FNBP1: variants seen among roughly 807,000 people sequenced by gnomAD.
FNBP1 encodes the protein formin-binding protein 1.
A neutral mutation model predicts 90.6 loss-of-function variants in FNBP1; 26 were observed. The observed-to-expected ratio is 0.29, with a 90% confidence interval of 0.21 to 0.40. FNBP1 has a LOEUF of 0.40. Ranked by LOEUF, FNBP1 falls within the 10% of genes least tolerant of loss-of-function variation. The probability of loss-of-function intolerance (pLI) is 1.00; values close to 1 mark genes in which losing one functional copy is unlikely to be tolerated. For synonymous variants in FNBP1, 260 were observed against 265.2 expected (o/e 0.98, Z 0.19); for missense variants, 635 against 768.0 (o/e 0.83, Z 2.05).
chr9:129,919,172 G>T, intron 10 of FNBP1: 1 of 1,298,312 alleles, frequency 7.7e-7, no homozygotes, highest in Non-Finnish European at 1.0e-6. Context: ...ATAGTCCCTA[G>T]CCTCAAAGGC....
chr9:129,903,003 TGAAA>T lies in FNBP1; in HGVS notation c.1296-6_1296-3del. 1 of 1,569,040 alleles carries T rather than the reference TGAAA, an allele frequency of 6.4e-7. No individual in the cohort carries two copies. Among genetic ancestry groups the T allele is most frequent in the Non-Finnish European group, 8.7e-7 (1 of 1,155,616 alleles). ...TCTTTCATTTTTGTTATGGCATCTC[TGAAA>T]GAAAGAACGAGTAGAATGCTGTAAA... On this transcript the variant is annotated splice_polypyrimidine_tract_variant and splice_region_variant and intron_variant, in intron 12 of 16. Coordinates refer to ENST00000446176, the MANE Select transcript of FNBP1 (RefSeq NM_015033.3).
At chr9:129,965,172 C>T (rs773252169) in intron 4 of FNBP1, among the ~76,000 whole-genome samples, 1 of 152,186 alleles carries the variant, frequency 6.6e-6, no homozygotes. Context: ...AATGGCAAAA[C>T]GCCTTAGTCC....
chr9:130,009,700 G>A (rs981930095), intron 1 of FNBP1, among the ~76,000 whole-genome samples: 14 of 152,326 alleles, frequency 9.2e-5, no homozygotes, highest in African/African-American at 3.4e-4. Context: ...TACTCGGGAG[G>A]CTGAGGCAGG....
intron 12 of FNBP1, among the ~76,000 whole-genome samples, chr9:129,904,658 T>C (rs558827941): frequency 5.8e-4 from 88 of 152,338 alleles, no homozygotes; most frequent in African/African-American, 2.0e-3. Context: ...CCACTTGGAC[T>C]TCCAGCCGCT....
At chr9:129,991,056 C>T (rs2053067479) in intron 2 of FNBP1, among the ~76,000 whole-genome samples, 2 of 150,896 alleles carry the variant, frequency 1.3e-5, no homozygotes. Flanking sequence ...GCCTTAGCCT[C>T]CTGAGTAGGT....
chr9:130,039,656 A>G (rs940873577), intron 1 of FNBP1, among the ~76,000 whole-genome samples: 10 of 148,844 alleles, frequency 6.7e-5, no homozygotes, highest in African/African-American at 2.3e-4. Flanking sequence ...AGCCTGGGCA[A>G]CAAGAGCGAA....
rs1465402341 is a variant in FNBP1 at position 129,908,886 on chromosome 9, A to G, written c.1295+4T>C. On this transcript the variant is annotated splice_donor_region_variant and intron_variant, in intron 12 of 16. Transcript: ENST00000446176. ...TCTTAATAAGTCATATTGATGCACT[A>G]TACCTTTGATCCATCTCCTTCTGAA... 2 of 1,583,320 alleles carry G rather than the reference A, an allele frequency of 1.3e-6. No individual in the cohort carries two copies. The highest frequency in any genetic ancestry group is 1.3e-5 in the African/African-American group (1 of 74,320).
chr9:129,917,853 G>A (rs1261854442), intron 10 of FNBP1, among the ~76,000 whole-genome samples: 1 of 152,116 alleles, frequency 6.6e-6, no homozygotes, highest in Non-Finnish European at 1.5e-5. Context: ...CTGTGAACTT[G>A]AGCATAGATC....
At chr9:129,916,858 G>A (rs2040333819) in intron 10 of FNBP1, among the ~76,000 whole-genome samples, 1 of 152,138 alleles carries the variant, frequency 6.6e-6, no homozygotes, top group Non-Finnish European at 1.5e-5. Context: ...ACTACCTGCA[G>A]GACCCAGAAT....
rs1165316489 is a variant in FNBP1, at chr9:130,041,080, T to C, written c.24+1872A>G. On this transcript the variant is annotated intron_variant, in intron 1 of 16. Coordinates refer to ENST00000446176, the MANE Select transcript of FNBP1 (RefSeq NM_015033.3). This position sits in a 1 kb window ranked among gnomAD's most constrained non-coding sequence, Gnocchi z 4.3. ...TTGAACTCCTGGGCCCAAAAGATCC[T>C]CCCGACTCAGCCTCCCAAGGTGCTG... is the stretch of plus-strand genomic sequence containing the variant. Among the ~76,000 whole-genome samples, 2 of 150,718 alleles carry C rather than the reference T, an allele frequency of 1.3e-5. No individual in the cohort carries two copies. The highest frequency in any genetic ancestry group is 3.0e-5 in the Non-Finnish European group (2 of 67,758).
At chr9:129,977,674 T>C (rs1393852164) in intron 4 of FNBP1, among the ~76,000 whole-genome samples, 1 of 151,942 alleles carries the variant, frequency 6.6e-6, no homozygotes, top group Non-Finnish European at 1.5e-5. Context: ...ATATTTTTAG[T>C]AGAGAAGGGG....
intron 12 of FNBP1, among the ~76,000 whole-genome samples, chr9:129,907,025 G>A (rs1017103547): frequency 2.6e-5 from 4 of 151,690 alleles, no homozygotes; most frequent in Admixed American, 6.6e-5. Flanking sequence ...TGATCCGCCC[G>A]CCTCCGCCTC....
chr9:130,049,649 C>T, the FNBP1 span, among the ~76,000 whole-genome samples: 10 of 151,330 alleles, frequency 6.6e-5, no homozygotes, highest in South Asian at 2.1e-4. Context: ...TGCAGTGAGC[C>T]GTGATTGCAC....
rs757640512 is a variant in FNBP1, at chr9:129,957,508, G to A, written c.409-44C>T. 69 of 1,382,766 alleles carry A rather than the reference G, an allele frequency of 5.0e-5. No individual in the cohort carries two copies. Among genetic ancestry groups the A allele is most frequent in the Non-Finnish European group, 6.4e-5 (63 of 980,896 alleles). 85.7% of individuals were successfully genotyped at this position (1,382,766 alleles called of 1,614,324 possible). ...AATTATGAAACCATAAGAGTCCTAC[G>A]AGAAGATGTAATTTTATCTAAAGCT... On this transcript the variant is annotated intron_variant, in intron 5 of 16. Coordinates refer to ENST00000446176, the MANE Select transcript of FNBP1 (RefSeq NM_015033.3). The surrounding 1 kb of genome is among the most constrained non-coding windows in gnomAD (Gnocchi z 4.3).
chr9:129,924,105 T>C, intron 9 of FNBP1, 79 bp from the exon 10 acceptor site: 2 of 1,397,490 alleles, frequency 1.4e-6, no homozygotes, highest in Non-Finnish European at 1.9e-6. Flanking sequence ...CATCAAATAA[T>C]ATTTGAAATC....
chr9:129,962,061 T>A (rs1268654485), intron 4 of FNBP1, among the ~76,000 whole-genome samples: 2 of 152,170 alleles, frequency 1.3e-5, no homozygotes, highest in Admixed American at 6.5e-5. Context: ...TTCTGAGTGA[T>A]CAGAGGGCAG....
chr9:130,001,019 T>G (rs895862126), intron 1 of FNBP1, among the ~76,000 whole-genome samples: 5 of 152,152 alleles, frequency 3.3e-5, no homozygotes, highest in African/African-American at 1.2e-4. Context: ...CATTTTCAAG[T>G]AAAACTGAAA....
chr9:129,944,309 G>A (rs750470933), intron 6 of FNBP1, among the ~76,000 whole-genome samples: 4 of 152,046 alleles, frequency 2.6e-5, no homozygotes, highest in Non-Finnish European at 5.9e-5. Context: ...TTGGGAGGCT[G>A]AGGCAGGAGG....
intron 16 of FNBP1, among the ~76,000 whole-genome samples, chr9:129,893,449 A>AG (rs2035305007): frequency 6.7e-6 from 1 of 149,744 alleles, no homozygotes; most frequent in Non-Finnish European, 1.5e-5. Flanking sequence ...CTAAAAAAAA[A>AG]AAAAAATACA....
Sources: gnomAD v4.1 joint callset for allele counts (sites outside exome capture counted in the v4.1 genomes callset) on GRCh38, gnomAD v4.1.1 for gene constraint, Gnocchi (gnomAD v3.1) non-coding constraint, MANE v1.5 for transcripts, NCBI Gene and HGNC (gene_info 2026-07-23, HGNC 2026-07-21) for gene names.